Variants in TRIM44 observed in about 807,000 individuals in gnomAD.
The protein encoded by TRIM44 is tripartite motif-containing protein 44.
A neutral mutation model predicts 37.4 loss-of-function variants in TRIM44; 13 were observed. The ratio of observed to expected loss-of-function variants is 0.35; its 90% CI spans 0.23 to 0.55. TRIM44 has a LOEUF of 0.55. TRIM44 is among the 20% of genes least tolerant of loss of function. The pLI is 0.89. For synonymous variants in TRIM44, 175 were observed against 157.2 expected (o/e 1.11, Z -0.85); for missense variants, 426 against 437.2 (o/e 0.97, Z 0.23).
rs553599586 is a variant in TRIM44 at position 35,774,221 on chromosome 11, G to A, written c.1008-32137G>A. On this transcript the variant is annotated intron_variant, in intron 4 of 4. Coordinates refer to ENST00000299413, the MANE Select transcript of TRIM44 (RefSeq NM_017583.6). Reference sequence around the variant, plus strand: ...TTTGATTTGCATTTCTCTCATAGCCGGTGATGATGAGCATTTTTTCACGTG... The same window carrying A: ...TTTGATTTGCATTTCTCTCATAGCCAGTGATGATGAGCATTTTTTCACGTG... Among the ~76,000 whole-genome samples, 240 of 152,196 alleles carry A rather than the reference G, an allele frequency of 1.6e-3. 1 individual carries two copies. Among genetic ancestry groups the A allele is most frequent in the Non-Finnish European group, 2.5e-3 (173 of 68,008 alleles).
chr11:35,722,708 T>A (rs1425927424), intron 2 of TRIM44, among the ~76,000 whole-genome samples: 1 of 152,206 alleles, frequency 6.6e-6, no homozygotes, highest in African/African-American at 2.4e-5. Flanking sequence ...GCAAACGTGC[T>A]TTATCAGCAA....
At chr11:35,670,092 G>T (rs1851376478) in intron 1 of TRIM44, among the ~76,000 whole-genome samples, 1 of 152,156 alleles carries the variant, frequency 6.6e-6, no homozygotes, top group Non-Finnish European at 1.5e-5. Flanking sequence ...CAAAGTGCTG[G>T]GATTACAGGT....
intron 1 of TRIM44, among the ~76,000 whole-genome samples, chr11:35,668,087 A>G (rs938664585): frequency 1.3e-5 from 2 of 152,198 alleles, no homozygotes; most frequent in African/African-American, 4.8e-5. Context: ...TGACCATGGA[A>G]GCCATCTATT....
intron 4 of TRIM44, among the ~76,000 whole-genome samples, chr11:35,744,618 A>G (rs572469500): frequency 8.6e-5 from 13 of 151,908 alleles, no homozygotes; most frequent in Non-Finnish European, 1.6e-4. Context: ...GGTTTGTTAC[A>G]TAGGTAAACG....
intron 2 of TRIM44, 69 bp from the exon 3 acceptor site, chr11:35,725,855 A>G (rs1852167600): frequency 6.4e-7 from 1 of 1,565,502 alleles, no homozygotes; most frequent in Non-Finnish European, 8.7e-7. Flanking sequence ...AGGGCTGTAT[A>G]GTAATAACTC....
intron 1 of TRIM44, among the ~76,000 whole-genome samples, chr11:35,672,862 A>G (rs1011773450): frequency 3.3e-5 from 5 of 152,232 alleles, no homozygotes; most frequent in African/African-American, 1.2e-4. Context: ...AGTTTGTAGC[A>G]CTGGCATACA....
chr11:35,735,820 G>A (rs1041902369), intron 4 of TRIM44, among the ~76,000 whole-genome samples: 1 of 151,270 alleles, frequency 6.6e-6, no homozygotes, highest in Admixed American at 6.6e-5. Context: ...TTTTTTAATG[G>A]GCTCTAGATC....
At position 35,777,813 on chromosome 11, in the gene TRIM44, G is replaced by C. The variant is rs990848516; in HGVS notation, c.1008-28545G>C. On this transcript the variant is annotated intron_variant, in intron 4 of 4. Transcript: ENST00000299413. ...CTCTCTTCTGGCTTGTAGGGTTTCT[G>C]CCCAGAGATCCACTGTTAGTCTGAT... 2.0e-5 allele frequency among the ~76,000 whole-genome samples: 3 copies of C among 152,208 alleles called. No individual in the cohort carries two copies. In the South Asian group the frequency reaches 6.2e-4, roughly 32 times the overall value.
intron 4 of TRIM44, among the ~76,000 whole-genome samples, chr11:35,742,472 A>T (rs1363149177): frequency 1.5e-5 from 2 of 134,362 alleles, no homozygotes; most frequent in East Asian, 2.0e-4. Flanking sequence ...CAATTAATAT[A>T]ATTATATTAA....
At chr11:35,765,901 G>T (rs1852792388) in intron 4 of TRIM44, among the ~76,000 whole-genome samples, 1 of 152,138 alleles carries the variant, frequency 6.6e-6, no homozygotes, top group Admixed American at 6.5e-5. Context: ...GAGACTAATT[G>T]TAAGAAACCA....
At chr11:35,700,253 A>G (rs894940399) in intron 2 of TRIM44, among the ~76,000 whole-genome samples, 5 of 152,208 alleles carry the variant, frequency 3.3e-5, no homozygotes, top group African/African-American at 1.2e-4. Flanking sequence ...CAATTTACTG[A>G]TAAACCAGCA....
In TRIM44 at chr11:35,756,796, G is replaced by A. The variant is rs11529975; in HGVS notation, c.1007+21351G>A. On this transcript the variant is annotated intron_variant, in intron 4 of 4. Coordinates refer to ENST00000299413, the MANE Select transcript of TRIM44 (RefSeq NM_017583.6). ...TTTTTGTCGTTGGTTCTGTTTATAT[G>A]CTGGATTACGTTTATTGATGTGCGT... is the stretch of plus-strand genomic sequence containing the variant. 0.014 allele frequency among the ~76,000 whole-genome samples: 2,098 copies of A among 152,248 alleles called. 115 individuals are homozygous for A. The East Asian group carries it at 0.14, about 10-fold the overall frequency.
intron 4 of TRIM44, among the ~76,000 whole-genome samples, chr11:35,756,518 C>G (rs1286689422): frequency 6.6e-6 from 1 of 152,034 alleles, no homozygotes; most frequent in African/African-American, 2.4e-5. Context: ...GCCTGATTGC[C>G]CTGGCCAGAA....
At chr11:35,747,399 A>T (rs1445202132) in intron 4 of TRIM44, among the ~76,000 whole-genome samples, 1 of 152,220 alleles carries the variant, frequency 6.6e-6, no homozygotes, top group Non-Finnish European at 1.5e-5. Flanking sequence ...CTAAGCCGTG[A>T]TCACACAGTT....
At chr11:35,757,132 C>G (rs1485725645) in intron 4 of TRIM44, among the ~76,000 whole-genome samples, 2 of 152,142 alleles carry the variant, frequency 1.3e-5, no homozygotes, top group Admixed American at 6.5e-5. Flanking sequence ...CCATCTGGTT[C>G]TGGACTTTTT....
chr11:35,706,476 C>A (rs1170748153), intron 2 of TRIM44, among the ~76,000 whole-genome samples: 1 of 152,184 alleles, frequency 6.6e-6, no homozygotes, highest in Non-Finnish European at 1.5e-5. Context: ...GAATTTTAGA[C>A]CAATATCCTT....
intron 4 of TRIM44, among the ~76,000 whole-genome samples, chr11:35,757,711 T>C (rs1472797570): frequency 4.6e-5 from 7 of 152,222 alleles, no homozygotes; most frequent in Non-Finnish European, 7.4e-5. Context: ...TTTGTTCTCA[T>C]TGGTTTCAAA....
intron 4 of TRIM44, among the ~76,000 whole-genome samples, chr11:35,795,411 G>A (rs1853269361): frequency 1.3e-5 from 2 of 151,992 alleles, no homozygotes; most frequent in East Asian, 3.9e-4. Context: ...AGGAGATGGT[G>A]GCAGCAGTGG....
intron 1 of TRIM44, 96 bp downstream of exon 1, chr11:35,663,876 T>G (rs1851304612): frequency 7.0e-6 from 10 of 1,420,708 alleles, no homozygotes; most frequent in Non-Finnish European, 9.5e-6. Flanking sequence ...TTTCACTGTG[T>G]CCCTAAGAAG....
Sources: allele counts gnomAD v4.1 joint callset (sites outside exome capture counted in the v4.1 genomes callset), GRCh38; gene constraint gnomAD v4.1.1; transcripts MANE v1.5; gene names NCBI Gene and HGNC (gene_info 2026-07-23, HGNC 2026-07-21).